FGFR3: variants seen among roughly 807,000 people sequenced by gnomAD.
FGFR3 encodes FGFR-3.
Under a neutral mutation model 82.9 loss-of-function variants are expected in FGFR3, and 25 were observed. The ratio of observed to expected loss-of-function variants is 0.30; its 90% CI spans 0.22 to 0.42. The LOEUF is 0.42. Ranked by LOEUF, FGFR3 falls within the 10% of genes least tolerant of loss-of-function variation. The pLI is 1.00. For synonymous variants in FGFR3, 620 were observed against 516.0 expected (o/e 1.20, Z -2.73); for missense variants, 1,026 against 1,161.0 (o/e 0.88, Z 1.69).
In FGFR3 at chr4:1,806,316, C is replaced by A. The variant is rs751098892; in HGVS notation, c.2019C>A (p.His673Gln). 1.9e-6 allele frequency: 3 copies of A among 1,612,914 alleles called. No individual in the cohort carries two copies. The highest frequency in any genetic ancestry group is 1.1e-5 in the South Asian group (1 of 91,092). Residue 673 changes from histidine to glutamine, a missense_variant, in exon 15 of 18, where the codon CAC becomes CAA. This residue lies in a region of FGFR3 where 45 missense variants were observed against 80.8 expected (regional missense o/e 0.56). Coordinates refer to ENST00000440486, the MANE Select transcript of FGFR3 (RefSeq NM_000142.5). The part of the protein sequence containing the change: ...PEALFDRVYT[H>Q]QSDVWSFGVL... Reference sequence around the variant, plus strand: ...CCTTGTTTGACCGAGTCTACACTCACCAGAGTGACGTGTACGTGTCCTGCA... The same window carrying A: ...CCTTGTTTGACCGAGTCTACACTCAACAGAGTGACGTGTACGTGTCCTGCA...
chr4:1,803,123 C>G (rs1049283786), intron 7 of FGFR3: 1 of 1,463,694 alleles, frequency 6.8e-7, no homozygotes, highest in Non-Finnish European at 9.0e-7. Context: ...GCCCTGGCCG[C>G]GCGCCCTGCA....
chr4:1,804,318 A>G lies in FGFR3; in HGVS notation c.1076-12A>G, dbSNP rs893758684. 7.5e-6 allele frequency: 12 copies of G among 1,592,930 alleles called. No homozygotes were observed. The highest frequency in any genetic ancestry group is 1.7e-5 in the Admixed American group (1 of 58,800). ...GGGGCCAGGCCAGGCCTCAACGCCC[A>G]TGTCTTTGCAGCCGAGGAGGAGCTG... On this transcript the variant is annotated splice_polypyrimidine_tract_variant and intron_variant, in intron 8 of 17. Coordinates refer to ENST00000440486, the MANE Select transcript of FGFR3 (RefSeq NM_000142.5).
intron 4 of FGFR3, among the ~76,000 whole-genome samples, chr4:1,801,017 A>G (rs1186311838): frequency 6.6e-6 from 1 of 152,128 alleles, no homozygotes; most frequent in Non-Finnish European, 1.5e-5. Context: ...TGGCTTGTCC[A>G]CTAGATGGGC....
chr4:1,800,803 G>A (rs1299634202), intron 4 of FGFR3, among the ~76,000 whole-genome samples: 1 of 152,232 alleles, frequency 6.6e-6, no homozygotes, highest in Admixed American at 6.5e-5. Flanking sequence ...GGCTGTGAGA[G>A]GGGTGGTGGG....
intron 2 of FGFR3, among the ~76,000 whole-genome samples, chr4:1,795,276 G>A (rs1323123499): frequency 6.6e-6 from 1 of 152,082 alleles, no homozygotes; most frequent in African/African-American, 2.4e-5. Context: ...CTTGGCTTTC[G>A]CATTCTCATT....
At chr4:1,801,245 T>C (rs1314902372) in intron 4 of FGFR3, 122 bp from the exon 5 acceptor site, 2 of 1,154,904 alleles carry the variant, frequency 1.7e-6, no homozygotes, top group Non-Finnish European at 2.5e-6. Flanking sequence ...TCCCGCCCTC[T>C]TCCTACACAG....
At position 1,801,390 on chromosome 4, in the gene FGFR3, G is replaced by A. The variant is rs1330260382; in HGVS notation, c.469G>A (p.Glu157Lys). ...AGGGGCCCCTTACTGGACACGGCCC[G>A]AGCGGATGGACAAGAAGCTGCTGGC... ...DTGAPYWTRPERMDKKLLAVP... is the reference protein window; with the variant it reads ...DTGAPYWTRPKRMDKKLLAVP... Residue 157 changes from glutamate to lysine, a missense_variant, in exon 5 of 18, where the codon GAG (glutamate) becomes AAG (lysine). Glu to Lys is a moderately conservative substitution (Grantham distance 56). Transcript: ENST00000440486. The A allele has an allele frequency of 6.4e-7, 1 of 1,556,794 alleles. No homozygotes were observed. Among genetic ancestry groups the A allele is most frequent in the Admixed American group, 1.9e-5 (1 of 52,624 alleles).
At chr4:1,795,560 G>T (rs1165524854) in intron 2 of FGFR3, among the ~76,000 whole-genome samples, 7 of 152,238 alleles carry the variant, frequency 4.6e-5, no homozygotes, top group African/African-American at 1.7e-4. Flanking sequence ...TCGTGAAATG[G>T]ACTGAGGTCT....
At position 1,805,022 on chromosome 4, in the gene FGFR3, G is replaced by C. The variant is rs1456393254; in HGVS notation, c.1412+53G>C. ...CTGTAGGGGGCTTGGTGGTGGGGGTGAAACAGCCACCAGTCAGAGGCCCGG... is the reference window on the plus strand; with the variant it reads ...CTGTAGGGGGCTTGGTGGTGGGGGTCAAACAGCCACCAGTCAGAGGCCCGG... On this transcript the variant is annotated intron_variant, in intron 10 of 17. Coordinates refer to ENST00000440486, the MANE Select transcript of FGFR3 (RefSeq NM_000142.5). 3.3e-6 allele frequency: 5 copies of C among 1,507,216 alleles called. No individual in the cohort carries two copies. In the African/African-American group the frequency reaches 5.5e-5, roughly 17 times the overall value. The allele number at this position is 1,507,216 out of a possible 1,614,324, so 93.4% of individuals were successfully genotyped here.
rs759993319 is a variant in FGFR3, at chr4:1,805,854, C to G, written c.1750C>G (p.Pro584Ala). The G allele has an allele frequency of 6.2e-7, 1 of 1,612,636 alleles. No homozygotes were observed. The highest frequency in any genetic ancestry group is 1.7e-5 in the Admixed American group (1 of 60,014). Residue 584 changes from proline (P) to alanine (A), a missense_variant, in exon 13 of 18, where the codon CCG becomes GCG. Physicochemically the swap from Pro to Ala is conservative, Grantham distance 27. Around this residue, in one of 9 missense-constraint regions of FGFR3, gnomAD observed 164 missense variants for 167.5 expected, o/e 0.98. Transcript: ENST00000440486. The part of the protein sequence containing the change: ...GLDYSFDTCK[P>A]PEEQLTFKDL... ...GGACTACTCCTTCGACACCTGCAAG[C>G]CGCCCGAGGAGCAGCTCACCTTCAA...
At position 1,799,333 on chromosome 4, in the gene FGFR3, G is replaced by A. The variant is rs140377760; in HGVS notation, c.189G>A (p.Pro63=). Residue 63 remains proline, a synonymous_variant, in exon 3 of 18, where the codon CCG becomes CCA. Coordinates refer to ENST00000440486, the MANE Select transcript of FGFR3 (RefSeq NM_000142.5). The stretch of plus-strand genomic sequence containing the variant: ...ATGCTGTGGAGCTGAGCTGTCCCCC[G>A]CCCGGGGGTGGTCCCATGGGGCCCA... ...SGDAVELSCP[P]PGGGPMGPTV... is the part of the protein sequence containing the mutation. 3.2e-4 allele frequency: 511 copies of A among 1,612,588 alleles called. No homozygotes were observed. The highest frequency in any genetic ancestry group is 4.0e-4 in the Non-Finnish European group (471 of 1,179,890).
rs1293698901 is a variant in FGFR3 at position 1,807,101 on chromosome 4, G to A, written c.2275-15G>A. Reference sequence around the variant, plus strand: ...GGCTCGGTGGCACAGCGCTCACCCCGCCTCCCGCCAGCAGGAGTACCTGGA... The same window carrying A: ...GGCTCGGTGGCACAGCGCTCACCCCACCTCCCGCCAGCAGGAGTACCTGGA... On this transcript the variant is annotated splice_polypyrimidine_tract_variant and intron_variant, in intron 17 of 17. Coordinates refer to ENST00000440486, the MANE Select transcript of FGFR3 (RefSeq NM_000142.5). The A allele has an allele frequency of 6.4e-6, 10 of 1,567,766 alleles. No individual in the cohort carries two copies. The highest frequency in any genetic ancestry group is 3.7e-5 in the Admixed American group (2 of 54,010).
intron 3 of FGFR3, 110 bp downstream of exon 3, chr4:1,799,633 A>C (rs1163869551): frequency 2.6e-6 from 4 of 1,552,916 alleles, no homozygotes; most frequent in Non-Finnish European, 3.5e-6. Context: ...GGTGGAGAGG[A>C]GGGCACCCCC....
chr4:1,806,395 T>C lies in FGFR3; in HGVS notation c.2030+68T>C, dbSNP rs2108810062. ...AACTGGGCAGAGCCAGGACCCCAGC[T>C]GCAGTCCCCAGGCCTGTGCCCTGGA... is the stretch of plus-strand genomic sequence containing the variant. On this transcript the variant is annotated intron_variant, in intron 15 of 17. Coordinates refer to ENST00000440486, the MANE Select transcript of FGFR3 (RefSeq NM_000142.5). The C allele has an allele frequency of 1.9e-6, 3 of 1,605,252 alleles. No individual in the cohort carries two copies. The South Asian group carries it at 3.3e-5, about 18-fold the overall frequency.
At chr4:1,803,095 A>T in intron 7 of FGFR3, 1 of 1,532,010 alleles carries the variant, frequency 6.5e-7, no homozygotes, top group South Asian at 1.2e-5. Flanking sequence ...CGGCCGGCAC[A>T]AGAGCTCCAG....
chr4:1,805,778 G>T lies in FGFR3; in HGVS notation c.1674G>T (p.Ala558=), dbSNP rs557734169. Residue 558 remains alanine (A), a synonymous_variant, in exon 13 of 18, where the codon GCG becomes GCT. Transcript: ENST00000440486. ...CCCTGTACGTGCTGGTGGAGTACGC[G>T]GCCAAGGGTAACCTGCGGGAGTTTC... ...GGPLYVLVEY[A]AKGNLREFLR... The T allele has an allele frequency of 6.2e-7, 1 of 1,612,596 alleles. No individual in the cohort carries two copies.
Position 1,801,711 on chromosome 4 carries a change from G to A in FGFR3, c.707G>A (p.Ser236Asn), listed in dbSNP as rs200495316. ...TGCGTCGTGGAGAACAAGTTTGGCA[G>A]CATCCGGCAGACGTACACGCTGGAC... ...YTCVVENKFG[S>N]IRQTYTLDVL... Residue 236 changes from serine to asparagine, a missense_variant, in exon 6 of 18, where the codon AGC becomes AAC. Coordinates refer to ENST00000440486, the MANE Select transcript of FGFR3 (RefSeq NM_000142.5). 305 of 1,609,426 alleles carry A rather than the reference G, an allele frequency of 1.9e-4. No homozygotes were observed. The highest frequency in any genetic ancestry group is 2.5e-4 in the Non-Finnish European group (294 of 1,178,880).
intron 1 of FGFR3, 49 bp from the exon 2 acceptor site, chr4:1,793,784 C>T (rs1577253143): frequency 1.2e-5 from 2 of 164,662 alleles, no homozygotes; most frequent in East Asian, 1.8e-4. Context: ...GCCACCGCCG[C>T]TTTCGTCCCT....
At position 1,806,822 on chromosome 4, in the gene FGFR3, C is replaced by T. The variant is rs1184544759; in HGVS notation, c.2169-7C>T. On this transcript the variant is annotated splice_region_variant and splice_polypyrimidine_tract_variant and intron_variant, in intron 16 of 17. Transcript: ENST00000440486. ...GCGGGGCTCACTCCTGAGCGCCCTG[C>T]CCGCAGGTACATGATCATGCGGGAG... 5 of 1,599,906 alleles carry T rather than the reference C, an allele frequency of 3.1e-6. No homozygotes were observed. In the East Asian group the frequency reaches 1.1e-4, roughly 36 times the overall value.
Sources: allele counts gnomAD v4.1 joint callset (sites outside exome capture counted in the v4.1 genomes callset), GRCh38; gene constraint gnomAD v4.1.1; regional missense constraint gnomAD v4.1.1; transcripts MANE v1.5; gene names NCBI Gene and HGNC (gene_info 2026-07-23, HGNC 2026-07-21).